CMC1: variants seen among roughly 807,000 people sequenced by gnomAD.
The protein encoded by CMC1 is COX assembly mitochondrial protein homolog.
Under a neutral mutation model 14.1 loss-of-function variants are expected in CMC1, and 14 were observed. The observed-to-expected ratio is 0.99, with a 90% CI of 0.66 to 1.55. The LOEUF is 1.55. CMC1 is among the 40% of genes most tolerant of loss of function. The pLI is 0.00. For missense variants in CMC1, 127 were observed against 123.8 expected, an observed-to-expected ratio of 1.03 and a Z score of -0.12; for synonymous variants, 50 against 38.4, an observed-to-expected ratio of 1.30 and a Z score of -1.12.
rs571262661 is a variant in CMC1, at chr3:28,283,918, G to A, written c.109+20538G>A. 9.9e-5 allele frequency among the ~76,000 whole-genome samples: 15 copies of A among 152,280 alleles called. No homozygotes were observed. The East Asian group carries it at 2.5e-3, about 25-fold the overall frequency. Reference sequence around the variant, plus strand: ...GCAGCTAGATGTTCATTGAATCCTAGATTGTGTCAGTACAGTGTACAAATT... The same window carrying A: ...GCAGCTAGATGTTCATTGAATCCTAAATTGTGTCAGTACAGTGTACAAATT... On this transcript the variant is annotated intron_variant, in intron 2 of 3. Transcript: ENST00000466830.
chr3:28,309,951 AC>A (rs2125597885), intron 2 of CMC1, among the ~76,000 whole-genome samples: 1 of 132,120 alleles, frequency 7.6e-6, no homozygotes, highest in South Asian at 2.2e-4. Flanking sequence ...CCACACACAC[AC>A]ACACACACAC....
At chr3:28,288,208 CTTTAT>C (rs957642977) in intron 2 of CMC1, among the ~76,000 whole-genome samples, 7 of 151,770 alleles carry the variant, frequency 4.6e-5, no homozygotes, top group African/African-American at 1.5e-4. Flanking sequence ...TGTTATATGT[CTTTAT>C]TTTATTAAAA....
At chr3:28,311,898 A>G (rs1366223892) in intron 2 of CMC1, among the ~76,000 whole-genome samples, 2 of 152,148 alleles carry the variant, frequency 1.3e-5, no homozygotes, top group Non-Finnish European at 2.9e-5. Context: ...TAATTCAATA[A>G]CTGTTCAAAA....
intron 2 of CMC1, among the ~76,000 whole-genome samples, chr3:28,264,983 C>T (rs35439056): frequency 6.6e-6 from 1 of 151,794 alleles, no homozygotes; most frequent in Non-Finnish European, 1.5e-5. Context: ...GAAATGAAAG[C>T]GTAGAGTATA....
rs1030651857 is a variant in CMC1 at position 28,323,108 on chromosome 3, C to CAATA, written c.*3484_*3487dup. On this transcript the variant is annotated 3_prime_UTR_variant, in exon 4 of 4. Transcript: ENST00000466830. The stretch of plus-strand genomic sequence containing the variant: ...AAATAATAATTTTAAATCACTTTCT[C>CAATA]AATAAATAGAATATTACATTTCAAC... 3 of 151,060 alleles carry CAATA rather than the reference C, an allele frequency of 2.0e-5. No homozygotes were observed. Among genetic ancestry groups the CAATA allele is most frequent in the Admixed American group, 1.3e-4 (2 of 15,106 alleles). 9.4% of individuals were successfully genotyped at this position (151,060 alleles called of 1,614,324 possible). A position where few individuals can be genotyped will look rare whatever the true frequency, so the allele number is the denominator to read the frequency against.
rs67809175 is a variant in CMC1, at chr3:28,293,321, TC to T, written c.110-23011del. Among the ~76,000 whole-genome samples the T allele has an allele frequency of 2.4e-3, 353 of 147,592 alleles. 4 individuals carry two copies. The highest frequency in any genetic ancestry group is 7.0e-3 in the Middle Eastern group (2 of 286). ...AAATAGAGGGACTTTTTTTTTTTTT[TC>T]GAGTGGCTGGGGAGGTGACAGAATG... On this transcript the variant is annotated intron_variant, in intron 2 of 3. Transcript: ENST00000466830.
At chr3:28,291,488 G>A (rs1701468412) in intron 2 of CMC1, among the ~76,000 whole-genome samples, 1 of 152,068 alleles carries the variant, frequency 6.6e-6, no homozygotes, top group South Asian at 2.1e-4. Flanking sequence ...CACTGTTACA[G>A]ATTTGTTTTG....
At chr3:28,293,462 A>G (rs1701584885) in intron 2 of CMC1, among the ~76,000 whole-genome samples, 1 of 152,220 alleles carries the variant, frequency 6.6e-6, no homozygotes, top group African/African-American at 2.4e-5. Context: ...ACAGTGAACC[A>G]GGACACATTA....
At position 28,322,638 on chromosome 3, in the gene CMC1, G is replaced by A. The variant is rs1012285959; in HGVS notation, c.*3009G>A. 3 of 151,548 alleles carry A rather than the reference G, an allele frequency of 2.0e-5. No individual in the cohort carries two copies. Among genetic ancestry groups the A allele is most frequent in the Non-Finnish European group, 4.5e-5 (3 of 67,384 alleles). The allele number at this position is 151,548 out of a possible 1,614,324, so 9.4% of individuals were successfully genotyped here. A position where few individuals can be genotyped will look rare whatever the true frequency, so the allele number is the denominator to read the frequency against. The stretch of plus-strand genomic sequence containing the variant: ...ATTTCTTTTATGCATATTGGGTTTG[G>A]TTCTATTACTTGGCAGGAGATTGTA... On this transcript the variant is annotated 3_prime_UTR_variant, in exon 4 of 4. Coordinates refer to ENST00000466830, the MANE Select transcript of CMC1 (RefSeq NM_182523.2).
chr3:28,241,838 C>T (rs1698534132), intron 1 of CMC1, 26 bp downstream of exon 1: 1 of 1,236,780 alleles, frequency 8.1e-7, no homozygotes, highest in East Asian at 3.2e-5. Flanking sequence ...GCGGGGTTTG[C>T]CGAGGGGCCT....
At chr3:28,316,310 T>C (rs1702914538) in intron 2 of CMC1, 23 bp from the exon 3 acceptor site, 3 of 1,342,268 alleles carry the variant, frequency 2.2e-6, no homozygotes, top group Non-Finnish European at 3.1e-6. Context: ...ACAAGTAATT[T>C]TTTCCTTCCA....
In CMC1 at chr3:28,324,508, A is replaced by T; in HGVS notation, c.*4879A>T. 7.3e-7 allele frequency: 1 copy of T among 1,377,646 alleles called. No homozygotes were observed. The highest frequency in any genetic ancestry group is 2.6e-5 in the Admixed American group (1 of 39,094). 85.3% of individuals were successfully genotyped at this position (1,377,646 alleles called of 1,614,324 possible). On this transcript the variant is annotated 3_prime_UTR_variant, in exon 4 of 4. Transcript: ENST00000466830. ...GTTTTCATTACATTTGTGATCATAAAATTCGATAACACTTCACCAATTTGA... is the reference window on the plus strand; with the variant it reads ...GTTTTCATTACATTTGTGATCATAATATTCGATAACACTTCACCAATTTGA...
At chr3:28,288,346 A>G (rs1701303535) in intron 2 of CMC1, among the ~76,000 whole-genome samples, 1 of 152,068 alleles carries the variant, frequency 6.6e-6, no homozygotes, top group Non-Finnish European at 1.5e-5. Context: ...ATAAAATTAT[A>G]TATTTTGACG....
chr3:28,253,247 C>T (rs185879262), intron 1 of CMC1, among the ~76,000 whole-genome samples: 14 of 152,186 alleles, frequency 9.2e-5, no homozygotes, highest in East Asian at 5.8e-4. Flanking sequence ...GCCTTCTTCC[C>T]GGGGCTCTGC....
At chr3:28,269,312 A>G (rs947107648) in intron 2 of CMC1, among the ~76,000 whole-genome samples, 3 of 152,242 alleles carry the variant, frequency 2.0e-5, no homozygotes, top group Admixed American at 6.5e-5. Context: ...ATAGCTTATT[A>G]TGATTATCTT....
chr3:28,294,758 G>A (rs1701655729), intron 2 of CMC1, among the ~76,000 whole-genome samples: 1 of 152,010 alleles, frequency 6.6e-6, no homozygotes, highest in Non-Finnish European at 1.5e-5. Context: ...ATTTGTTTGT[G>A]TTCATTGAGT....
intron 1 of CMC1, among the ~76,000 whole-genome samples, chr3:28,256,500 C>T (rs181189080): frequency 1.3e-5 from 2 of 152,166 alleles, no homozygotes; most frequent in Admixed American, 6.5e-5. Flanking sequence ...TTAATGTTTG[C>T]GTGAATAACT....
chr3:28,248,997 A>T (rs1413422342), intron 1 of CMC1, among the ~76,000 whole-genome samples: 2 of 152,228 alleles, frequency 1.3e-5, no homozygotes, highest in East Asian at 3.9e-4. Flanking sequence ...TCACTGTGTT[A>T]GCCAGGATGG....
chr3:28,300,763 T>TC (rs961478130), intron 2 of CMC1, among the ~76,000 whole-genome samples: 1 of 149,352 alleles, frequency 6.7e-6, no homozygotes, highest in African/African-American at 2.5e-5. Context: ...CCTTTTTTTT[T>TC]CATAATATTC....
Sources: allele counts gnomAD v4.1 joint callset (sites outside exome capture counted in the v4.1 genomes callset), GRCh38; gene constraint gnomAD v4.1.1; transcripts MANE v1.5; gene names NCBI Gene and HGNC (gene_info 2026-07-23, HGNC 2026-07-21).